Variants in SELENOF observed in about 807,000 individuals in gnomAD.
SELENOF encodes the protein selenoprotein F, also known as 15 kDa selenoprotein.
Under a neutral mutation model 20.5 loss-of-function variants are expected in SELENOF, and 16 were observed. The ratio of observed to expected loss-of-function variants is 0.78; its 90% confidence interval spans 0.53 to 1.19. The LOEUF is 1.19. SELENOF is among the 50% of genes most tolerant of loss of function. SELENOF has a pLI of 0.00. For missense variants in SELENOF, 215 were observed against 194.2 expected (o/e 1.11, Z -0.64); for synonymous variants, 78 against 74.5 (o/e 1.05, Z -0.24).
At chr1:86,900,181 G>A (rs1659653969) in intron 2 of SELENOF, among the ~76,000 whole-genome samples, 1 of 152,028 alleles carries the variant, frequency 6.6e-6, no homozygotes, top group South Asian at 2.1e-4. Context: ...CTTCCTAGAC[G>A]GGGTGGCGGC....
At chr1:86,897,003 TA>T (rs10717903) in intron 2 of SELENOF, among the ~76,000 whole-genome samples, 17,607 of 150,432 alleles carry the variant, frequency 0.12, 1,637 homozygotes, top group African/African-American at 0.26. Context: ...CATAAACATT[TA>T]AAAAAAAAAT....
At chr1:86,896,647 T>C (rs1263645258) in intron 2 of SELENOF, among the ~76,000 whole-genome samples, 1 of 152,182 alleles carries the variant, frequency 6.6e-6, no homozygotes, top group African/African-American at 2.4e-5. Context: ...GCTAAATAAT[T>C]AACATTATCT....
At chr1:86,881,715 T>C (rs983512787) in intron 2 of SELENOF, among the ~76,000 whole-genome samples, 3 of 152,216 alleles carry the variant, frequency 2.0e-5, no homozygotes, top group Non-Finnish European at 4.4e-5. Flanking sequence ...AAAGTAGTGA[T>C]TAAAAAACTA....
Position 86,906,633 on chromosome 1 carries a change from G to A in SELENOF, c.85-3185C>T, listed in dbSNP as rs534468651. Among the ~76,000 whole-genome samples the A allele has an allele frequency of 4.6e-5, 7 of 152,302 alleles. No individual in the cohort carries two copies. The South Asian group carries it at 1.5e-3, about 32-fold the overall frequency. On this transcript the variant is annotated intron_variant, in intron 1 of 4. Transcript: ENST00000331835. Reference sequence around the variant, plus strand: ...GCTGTAAAGAAGTCTATACAAGAGAGACAACATGGAAGGGCCCATGTAGAG... The same window carrying A: ...GCTGTAAAGAAGTCTATACAAGAGAAACAACATGGAAGGGCCCATGTAGAG...
upstream of SELENOF, chr1:86,914,150 C>A (rs1256572481): frequency 1.9e-6 from 3 of 1,584,970 alleles, no homozygotes; most frequent in African/African-American, 1.3e-5. Flanking sequence ...GACCCCTAAG[C>A]TAGGGGCGTC....
chr1:86,883,646 G>A (rs1659136423), intron 2 of SELENOF, among the ~76,000 whole-genome samples: 1 of 152,168 alleles, frequency 6.6e-6, no homozygotes, highest in African/African-American at 2.4e-5. Context: ...TCTTGGTGGA[G>A]ATTCCACTAC....
intron 3 of SELENOF, among the ~76,000 whole-genome samples, chr1:86,877,144 A>C (rs1361018413): frequency 1.3e-5 from 2 of 152,222 alleles, no homozygotes; most frequent in Non-Finnish European, 2.9e-5. Context: ...AGTAAGCATC[A>C]ATAAATATTT....
intron 2 of SELENOF, among the ~76,000 whole-genome samples, chr1:86,884,486 T>C (rs1659166210): frequency 6.6e-6 from 1 of 152,144 alleles, no homozygotes; most frequent in African/African-American, 2.4e-5. Context: ...CTACAGATTG[T>C]AGTAAATTTA....
intron 2 of SELENOF, among the ~76,000 whole-genome samples, chr1:86,882,330 T>C (rs1659098045): frequency 6.9e-6 from 1 of 145,544 alleles, no homozygotes; most frequent in Admixed American, 6.9e-5. Flanking sequence ...TTCAAAAAGA[T>C]ATGGCTAATC....
At chr1:86,898,580 C>CTTTTTTTT in intron 2 of SELENOF, among the ~76,000 whole-genome samples, 1 of 124,966 alleles carries the variant, frequency 8.0e-6, no homozygotes, top group Non-Finnish European at 1.6e-5. Flanking sequence ...TTCTCTTCTT[C>CTTTTTTTT]TTTTTTTTTT....
intron 2 of SELENOF, among the ~76,000 whole-genome samples, chr1:86,882,193 G>A (rs374630115): frequency 7.2e-6 from 1 of 138,824 alleles, no homozygotes; most frequent in African/African-American, 2.7e-5. Context: ...AGGTTGCAGT[G>A]AGCCGAGATC....
chr1:86,880,253 C>T (rs1247585335), intron 3 of SELENOF, among the ~76,000 whole-genome samples: 2 of 151,974 alleles, frequency 1.3e-5, no homozygotes, highest in East Asian at 1.9e-4. Context: ...CTCCCGCCTC[C>T]GCCTCCCGAG....
intron 2 of SELENOF, among the ~76,000 whole-genome samples, chr1:86,897,349 A>G (rs911392429): frequency 3.9e-5 from 6 of 152,306 alleles, no homozygotes; most frequent in African/African-American, 1.4e-4. Flanking sequence ...AAGAAAAGCA[A>G]AACAATAGAT....
At chr1:86,887,255 A>G (rs1659244403) in intron 2 of SELENOF, 3 of 1,515,902 alleles carry the variant, frequency 2.0e-6, no homozygotes, top group Non-Finnish European at 1.8e-6. Flanking sequence ...GCTGGCAAAT[A>G]TAATTCTCCA....
intron 1 of SELENOF, among the ~76,000 whole-genome samples, chr1:86,908,627 C>T (rs1353769066): frequency 2.6e-5 from 4 of 152,136 alleles, no homozygotes; most frequent in Non-Finnish European, 4.4e-5. Flanking sequence ...AAAGCACCAA[C>T]GATTTTAACT....
chr1:86,911,253 A>G (rs1659972657), intron 1 of SELENOF, among the ~76,000 whole-genome samples: 1 of 152,264 alleles, frequency 6.6e-6, no homozygotes, highest in East Asian at 1.9e-4. Context: ...AAAGAGAGTA[A>G]GTAGAAGACA....
intron 2 of SELENOF, among the ~76,000 whole-genome samples, chr1:86,884,597 G>A (rs1451930749): frequency 1.3e-5 from 2 of 152,096 alleles, no homozygotes; most frequent in East Asian, 3.8e-4. Flanking sequence ...AGTGCATAAA[G>A]AAATGACAAA....
chr1:86,867,956 T>C (rs1658655991), intron 4 of SELENOF, 97 bp downstream of exon 4: 2 of 507,960 alleles, frequency 3.9e-6, no homozygotes, highest in Non-Finnish European at 6.8e-6. Flanking sequence ...TATTTGCACA[T>C]GTTTATGGGG....
chr1:86,867,875 T>TA (rs1055261741), intron 4 of SELENOF, among the ~76,000 whole-genome samples, 178 bp downstream of exon 4: 46 of 152,002 alleles, frequency 3.0e-4, no homozygotes, highest in African/African-American at 1.0e-3. Flanking sequence ...AAAAGTGCTC[T>TA]AAAAAAATAA....
Sources: allele counts gnomAD v4.1 joint callset (sites outside exome capture counted in the v4.1 genomes callset), GRCh38; gene constraint gnomAD v4.1.1; transcripts MANE v1.5; gene names NCBI Gene and HGNC (gene_info 2026-07-23, HGNC 2026-07-21).